Variants in ARHGAP26 observed in about 807,000 individuals in gnomAD.
The protein encoded by ARHGAP26 is rho GTPase-activating protein 26.
A neutral mutation model predicts 104.8 loss-of-function variants in ARHGAP26; 38 were observed. That is an observed-to-expected ratio of 0.36 (90% CI 0.28 to 0.48). The LOEUF (loss-of-function observed/expected upper bound fraction) is 0.48, where lower values mean the gene tolerates loss of function less well. ARHGAP26 is among the 20% of genes least tolerant of loss of function. The probability of loss-of-function intolerance (pLI) is 0.99; values close to 1 mark genes in which losing one functional copy is unlikely to be tolerated. For missense variants in ARHGAP26, 704 were observed against 947.9 expected (o/e 0.74, Z 3.38); for synonymous variants, 341 against 340.0 (o/e 1.00, Z -0.03).
intron 20 of ARHGAP26, among the ~76,000 whole-genome samples, chr5:143,198,083 C>T (rs1031474006): frequency 2.0e-5 from 3 of 152,080 alleles, no homozygotes; most frequent in African/African-American, 7.2e-5. Flanking sequence ...TAGATTATAC[C>T]CCAGAACAAC....
At chr5:142,989,261 CT>C (rs1460432304) in intron 11 of ARHGAP26, among the ~76,000 whole-genome samples, 1 of 152,102 alleles carries the variant, frequency 6.6e-6, no homozygotes, top group Non-Finnish European at 1.5e-5. Context: ...TTCTTTGTCT[CT>C]TTTGATCTTT....
At chr5:143,113,517 A>C (rs1795027377) in intron 17 of ARHGAP26, among the ~76,000 whole-genome samples, 1 of 152,082 alleles carries the variant, frequency 6.6e-6, no homozygotes, top group Non-Finnish European at 1.5e-5. Flanking sequence ...CTCCTTTTTA[A>C]AATTTCTCCT....
chr5:143,074,414 A>G (rs1281123435), intron 17 of ARHGAP26, among the ~76,000 whole-genome samples: 1 of 152,174 alleles, frequency 6.6e-6, no homozygotes, highest in East Asian at 1.9e-4. Flanking sequence ...CTCTCTGCCC[A>G]GGTCTGCTAG....
chr5:142,948,222 A>G (rs961900462), intron 11 of ARHGAP26, among the ~76,000 whole-genome samples: 2 of 152,082 alleles, frequency 1.3e-5, no homozygotes, highest in Non-Finnish European at 2.9e-5. Context: ...ACACCAGAGA[A>G]AGTCTCAGGT....
At chr5:142,878,245 G>A (rs1458691631) in intron 3 of ARHGAP26, among the ~76,000 whole-genome samples, 2 of 152,176 alleles carry the variant, frequency 1.3e-5, no homozygotes, top group Non-Finnish European at 2.9e-5. Context: ...ATAAATGAAT[G>A]ACTTAAAAGG....
At chr5:143,207,364 C>A in intron 21 of ARHGAP26, 56 bp downstream of exon 21, 1 of 1,614,144 alleles carries the variant, frequency 6.2e-7, no homozygotes, top group Non-Finnish European at 8.5e-7. Flanking sequence ...CTCATTGGCT[C>A]GGTCCTCTCT....
chr5:142,814,171 G>C (rs1249850707), intron 1 of ARHGAP26, among the ~76,000 whole-genome samples: 2 of 152,246 alleles, frequency 1.3e-5, no homozygotes, highest in East Asian at 3.8e-4. Context: ...ATAGTTTGGG[G>C]AAGAATTTGT....
intron 18 of ARHGAP26, among the ~76,000 whole-genome samples, chr5:143,126,663 T>C (rs36015018): frequency 0.02 from 3,028 of 152,282 alleles, 50 homozygotes; most frequent in East Asian, 0.078. Flanking sequence ...TAAGGGGAAA[T>C]ACTAGCTCAT....
At chr5:143,212,823 G>T (rs140864580) in intron 21 of ARHGAP26, among the ~76,000 whole-genome samples, 30 of 152,312 alleles carry the variant, frequency 2.0e-4, no homozygotes, top group African/African-American at 7.0e-4. Flanking sequence ...CTCACTGCAC[G>T]TTGGAATTAC....
At position 143,095,234 on chromosome 5, in the gene ARHGAP26, A is replaced by G. The variant is rs112789133; in HGVS notation, c.1539-25754A>G. 7.5e-3 allele frequency among the ~76,000 whole-genome samples: 1,133 copies of G among 151,970 alleles called. 21 individuals carry two copies. The highest frequency in any genetic ancestry group is 0.026 in the African/African-American group (1,078 of 41,508). On this transcript the variant is annotated intron_variant, in intron 17 of 22. Transcript: ENST00000645722. ...TTTATTGAGGTGAAATTCACTTAAC[A>G]TAAATTAGCCATTTTAAAGTATACA... is the stretch of plus-strand genomic sequence containing the variant.
At chr5:142,926,596 T>C (rs1209098890) in intron 10 of ARHGAP26, among the ~76,000 whole-genome samples, 2 of 152,148 alleles carry the variant, frequency 1.3e-5, no homozygotes, top group East Asian at 3.9e-4. Flanking sequence ...TAGGCCACTT[T>C]GTTGCGTTAC....
At chr5:142,860,143 A>G (rs1406981641) in intron 1 of ARHGAP26, 6 of 152,168 alleles carry the variant, frequency 3.9e-5, no homozygotes, top group African/African-American at 7.2e-5. Context: ...CACATGCTCC[A>G]CTGTCGCACT....
At chr5:143,037,149 T>C in intron 12 of ARHGAP26, 47 bp from the exon 13 acceptor site, 2 of 1,537,842 alleles carry the variant, frequency 1.3e-6, no homozygotes, top group South Asian at 1.2e-5. Flanking sequence ...ATCCTGAGGT[T>C]GATTTCCATG....
At chr5:142,778,273 G>C (rs2151830569) in intron 1 of ARHGAP26, among the ~76,000 whole-genome samples, 1 of 152,302 alleles carries the variant, frequency 6.6e-6, no homozygotes, top group Non-Finnish European at 1.5e-5. Context: ...ATGAATGAAT[G>C]ACCTAATCTT....
In ARHGAP26 at chr5:143,190,343, G is replaced by A. The variant is rs568753199; in HGVS notation, c.1989-16855G>A. On this transcript the variant is annotated intron_variant, in intron 20 of 22. Coordinates refer to ENST00000645722, the MANE Select transcript of ARHGAP26 (RefSeq NM_001135608.3). Reference sequence around the variant, plus strand: ...ATGCTTCAGTAGATTGCAGGCAAGGGCACATATTATGAATAGTGCTGCACG... The same window carrying A: ...ATGCTTCAGTAGATTGCAGGCAAGGACACATATTATGAATAGTGCTGCACG... 2.0e-5 allele frequency among the ~76,000 whole-genome samples: 3 copies of A among 152,192 alleles called. No individual in the cohort carries two copies. In the South Asian group the frequency reaches 6.3e-4, roughly 32 times the overall value.
chr5:142,894,198 A>G (rs750869339), intron 5 of ARHGAP26, 40 bp from the exon 6 acceptor site: 2 of 1,554,058 alleles, frequency 1.3e-6, no homozygotes, highest in Non-Finnish European at 1.8e-6. Flanking sequence ...ATCCTTGGGT[A>G]GTGACTTGAT....
intron 10 of ARHGAP26, among the ~76,000 whole-genome samples, chr5:142,927,400 A>G (rs1310955213): frequency 6.6e-6 from 1 of 151,466 alleles, no homozygotes; most frequent in Non-Finnish European, 1.5e-5. Context: ...TTTGAACATC[A>G]TAGAAGTGGA....
At chr5:143,019,150 C>A (rs1779964973) in intron 12 of ARHGAP26, among the ~76,000 whole-genome samples, 1 of 152,146 alleles carries the variant, frequency 6.6e-6, no homozygotes, top group South Asian at 2.1e-4. Context: ...TGTCAGGAAT[C>A]TATATCAGTG....
intron 11 of ARHGAP26, among the ~76,000 whole-genome samples, chr5:142,954,592 C>T (rs1768916774): frequency 6.6e-6 from 1 of 152,242 alleles, no homozygotes; most frequent in African/African-American, 2.4e-5. Flanking sequence ...TACACCCTCC[C>T]CTCTGGGGAT....
Sources: allele counts gnomAD v4.1 joint callset (sites outside exome capture counted in the v4.1 genomes callset), GRCh38; gene constraint gnomAD v4.1.1; transcripts MANE v1.5; gene names NCBI Gene and HGNC (gene_info 2026-07-23, HGNC 2026-07-21).